RRBP1: variants seen among roughly 807,000 people sequenced by gnomAD.
RRBP1 encodes the protein ribosome binding protein 1, also known as ribosome-binding protein 1.
Under a neutral mutation model 165.2 loss-of-function variants are expected in RRBP1, and 94 were observed. The observed-to-expected ratio is 0.57, with a 90% confidence interval of 0.48 to 0.68. The LOEUF (loss-of-function observed/expected upper bound fraction) is 0.68. RRBP1 is among the 30% of genes least tolerant of loss of function. The pLI is 0.00. For missense variants in RRBP1, 1,676 were observed against 1,763.0 expected (o/e 0.95, Z 0.88); for synonymous variants, 680 against 714.5 (o/e 0.95, Z 0.77).
At chr20:17,635,947 A>G (rs1037689400) in intron 6 of RRBP1, among the ~76,000 whole-genome samples, 9 of 152,276 alleles carry the variant, frequency 5.9e-5, no homozygotes, top group Admixed American at 3.9e-4. Context: ...GACACACCCC[A>G]TGAACATCTG....
Position 17,643,008 on chromosome 20 carries a change from C to A in RRBP1, c.2032G>T (p.Ala678Ser), listed in dbSNP as rs778255595. 3 of 1,614,064 alleles carry A rather than the reference C, an allele frequency of 1.9e-6. No homozygotes were observed. Among genetic ancestry groups the A allele is most frequent in the Non-Finnish European group, 2.5e-6 (3 of 1,180,006 alleles). The change falls in exon 4 of 25, where the codon GCT (alanine) becomes TCT (serine). Residue 678 changes from alanine (A) to serine (S), a missense_variant. Coordinates refer to ENST00000377813, the MANE Select transcript of RRBP1 (RefSeq NM_001365613.2). This position sits in a 1 kb window ranked among gnomAD's most constrained non-coding sequence, Gnocchi z 4.3. ...QRLIEILSEK[A>S]GIIQDTWHKA... Reference sequence around the variant, plus strand: ...TGCCAGGTGTCCTGAATGATGCCAGCCTTCTCAGACAGGATCTCGATGAGC... The same window carrying A: ...TGCCAGGTGTCCTGAATGATGCCAGACTTCTCAGACAGGATCTCGATGAGC...
At chr20:17,638,305 C>A (rs893028354) in intron 5 of RRBP1, among the ~76,000 whole-genome samples, 3 of 152,214 alleles carry the variant, frequency 2.0e-5, no homozygotes, top group Non-Finnish European at 4.4e-5. Flanking sequence ...TCCAGCCTTG[C>A]GAAGAAACCA....
At chr20:17,614,590 C>T (rs2035755247) in intron 24 of RRBP1, 147 bp downstream of exon 24, 2 of 1,001,044 alleles carry the variant, frequency 2.0e-6, no homozygotes, top group Admixed American at 2.6e-5. Flanking sequence ...CCCACTACCT[C>T]CGCCCAGCTC....
intron 3 of RRBP1, among the ~76,000 whole-genome samples, chr20:17,650,825 G>T (rs78343020): frequency 0.015 from 2,332 of 152,274 alleles, 88 homozygotes; most frequent in East Asian, 0.072. Context: ...ACAAGATCAG[G>T]GCAGCCCAGG....
Position 17,637,201 on chromosome 20 carries a change from T to G in RRBP1, c.2185-472A>C, listed in dbSNP as rs1210103561. Among the ~76,000 whole-genome samples, 3 of 151,736 alleles carry G rather than the reference T, an allele frequency of 2.0e-5. No individual in the cohort carries two copies. In the East Asian group the frequency reaches 5.8e-4, roughly 29 times the overall value. The stretch of plus-strand genomic sequence containing the variant: ...GGCCAGCTGCCAGTTCCGCCGTGGC[T>G]GGGGGTAGGGCATGCATCTCTGCAG... On this transcript the variant is annotated intron_variant, in intron 5 of 24. Transcript: ENST00000377813.
At chr20:17,641,675 G>A (rs570259082) in intron 5 of RRBP1, 122 bp downstream of exon 5, 7 of 1,251,034 alleles carry the variant, frequency 5.6e-6, no homozygotes, top group African/African-American at 4.4e-5. Context: ...TCAGCAGCCT[G>A]ACAGCCAGCT....
In RRBP1 at chr20:17,629,864, G is replaced by A. The variant is rs776565179; in HGVS notation, c.2708C>T (p.Ala903Val). The A allele has an allele frequency of 3.1e-6, 5 of 1,599,862 alleles. No individual in the cohort carries two copies. The highest frequency in any genetic ancestry group is 2.2e-5 in the East Asian group (1 of 44,854). The change falls in exon 9 of 25, where the codon GCG becomes GTG. Residue 903 changes from alanine to valine, a missense_variant. By Grantham distance (64) the Ala-to-Val change is moderately conservative (BLOSUM62 0). Transcript: ENST00000377813. ...TTGCTCCTGGGCCTTCTCGGCATCCGCCCGGAGGCTGGCGTGGCTGCTCTG... is the reference window on the plus strand; with the variant it reads ...TTGCTCCTGGGCCTTCTCGGCATCCACCCGGAGGCTGGCGTGGCTGCTCTG... Reference protein sequence around the residue: ...HTQSSHASLRADAEKAQEQQQ... With the variant: ...HTQSSHASLRVDAEKAQEQQQ...
chr20:17,668,769 T>G (rs2036918111), intron 2 of RRBP1, among the ~76,000 whole-genome samples: 1 of 152,184 alleles, frequency 6.6e-6, no homozygotes, highest in Non-Finnish European at 1.5e-5. Context: ...CCCTGGACAT[T>G]AAAGCCAAAG....
chr20:17,617,548 G>A (rs1401823226), intron 20 of RRBP1, among the ~76,000 whole-genome samples: 1 of 152,248 alleles, frequency 6.6e-6, no homozygotes, highest in African/African-American at 2.4e-5. Context: ...TGCACAGCTG[G>A]AAGACAACAG....
intron 2 of RRBP1, among the ~76,000 whole-genome samples, chr20:17,671,992 G>A (rs933212099): frequency 3.9e-5 from 6 of 152,200 alleles, no homozygotes; most frequent in South Asian, 2.1e-4. Context: ...AAGGGAGCAC[G>A]TGGCTGCCAT....
chr20:17,677,411 A>G (rs897266373), intron 2 of RRBP1, among the ~76,000 whole-genome samples: 3 of 152,248 alleles, frequency 2.0e-5, no homozygotes, highest in South Asian at 4.1e-4. Context: ...GTAGCTGTCC[A>G]TCATTCAGCT....
intron 2 of RRBP1, among the ~76,000 whole-genome samples, chr20:17,679,781 G>A (rs1211178914): frequency 1.3e-5 from 2 of 152,164 alleles, no homozygotes. Flanking sequence ...ATGAACCACT[G>A]TAACTTCTTA....
intron 1 of RRBP1, 92 bp downstream of exon 1, chr20:17,681,936 G>A (rs2037200768): frequency 6.8e-6 from 1 of 147,484 alleles, no homozygotes; most frequent in African/African-American, 2.4e-5. Flanking sequence ...CCGCCGAGGA[G>A]ACGTGTCACT....
chr20:17,639,857 C>T (rs533672357), intron 5 of RRBP1, among the ~76,000 whole-genome samples: 57 of 145,254 alleles, frequency 3.9e-4, no homozygotes, highest in Non-Finnish European at 7.4e-4. Flanking sequence ...CGTGCCATTG[C>T]ACTCCAGCCT....
chr20:17,648,967 C>T (rs1358944413), intron 3 of RRBP1, among the ~76,000 whole-genome samples: 3 of 152,184 alleles, frequency 2.0e-5, no homozygotes, highest in Non-Finnish European at 2.9e-5. Flanking sequence ...CGTCTGGGGG[C>T]AGTGACCGGA....
Position 17,625,745 on chromosome 20 carries a change from C to T in RRBP1, c.2964-143G>A. The stretch of plus-strand genomic sequence containing the variant: ...CGGTCCCTTCTGGCTGCCCCCACCT[C>T]ACCCAGCGTGAGCTCCCAGGGAAGC... On this transcript the variant is annotated intron_variant, in intron 11 of 24. Coordinates refer to ENST00000377813, the MANE Select transcript of RRBP1 (RefSeq NM_001365613.2). 4.6e-6 allele frequency: 3 copies of T among 659,318 alleles called. No homozygotes were observed. In the South Asian group the frequency reaches 5.5e-5, roughly 12 times the overall value. 40.8% of individuals were successfully genotyped at this position (659,318 alleles called of 1,614,324 possible). A position where few individuals can be genotyped will look rare whatever the true frequency, so the allele number is the denominator to read the frequency against.
At chr20:17,641,415 C>T (rs2036356051) in intron 5 of RRBP1, 2 of 235,522 alleles carry the variant, frequency 8.5e-6, no homozygotes, top group South Asian at 6.6e-5. Context: ...CTTGAATCTA[C>T]TGTGGCCACC....
rs1197063750 is a variant in RRBP1, at chr20:17,613,831, G to A, written c.*351C>T. ...CCCGGTCCCACCCGCTTCCCGCCCC[G>A]CCCCACTGAAAAAACACTAAACGAT... On this transcript the variant is annotated 3_prime_UTR_variant, in exon 25 of 25. Coordinates refer to ENST00000377813, the MANE Select transcript of RRBP1 (RefSeq NM_001365613.2). The A allele has an allele frequency of 3.6e-5, 7 of 194,762 alleles. No homozygotes were observed. The highest frequency in any genetic ancestry group is 7.9e-5 in the South Asian group (1 of 12,652). 12.1% of individuals were successfully genotyped at this position (194,762 alleles called of 1,614,324 possible).
intron 16 of RRBP1, 135 bp downstream of exon 16, chr20:17,621,323 G>A (rs779782131): frequency 3.7e-5 from 24 of 644,654 alleles, no homozygotes; most frequent in South Asian, 7.3e-5. Context: ...CCATGCAGCC[G>A]AAGAACGGGG....
Sources: allele counts gnomAD v4.1 joint callset (sites outside exome capture counted in the v4.1 genomes callset), GRCh38; gene constraint gnomAD v4.1.1; non-coding constraint Gnocchi (gnomAD v3.1); transcripts MANE v1.5; gene names NCBI Gene and HGNC (gene_info 2026-07-23, HGNC 2026-07-21).